Variants in SAE1 observed in about 807,000 individuals in gnomAD.
SAE1 encodes SUMO1 activating enzyme subunit 1, also known as SUMO-activating enzyme subunit 1.
SAE1 carries 11 observed loss-of-function variants against 40.6 expected under a neutral mutation model. That is an observed-to-expected ratio of 0.27 (90% confidence interval 0.17 to 0.45). SAE1 has a LOEUF of 0.45. Ranked by LOEUF, SAE1 falls within the 20% of genes least tolerant of loss-of-function variation. SAE1 has a pLI of 1.00. For missense variants in SAE1, 373 were observed against 427.3 expected, an observed-to-expected ratio of 0.87 and a Z score of 1.12; for synonymous variants, 155 against 154.3, an observed-to-expected ratio of 1.00 and a Z score of -0.03.
intron 4 of SAE1, 89 bp from the exon 5 acceptor site, chr19:47,155,025 C>G (rs1437814992): frequency 1.2e-6 from 1 of 809,702 alleles, no homozygotes. Context: ...TAACCACCAT[C>G]CCGATCTGTG....
intron 2 of SAE1, among the ~76,000 whole-genome samples, chr19:47,147,459 T>G (rs2058261551): frequency 6.6e-6 from 1 of 151,606 alleles, no homozygotes; most frequent in African/African-American, 2.4e-5. Flanking sequence ...ATGTTTTTTT[T>G]GTTTGTTTTT....
intron 6 of SAE1, among the ~76,000 whole-genome samples, chr19:47,194,809 C>T (rs913844916): frequency 6.2e-5 from 9 of 144,116 alleles, no homozygotes; most frequent in East Asian, 2.0e-4. Flanking sequence ...AGTGCAGTGG[C>T]GCGATCTCAG....
intron 1 of SAE1, among the ~76,000 whole-genome samples, chr19:47,132,696 G>C (rs2058153704): frequency 6.6e-6 from 1 of 151,920 alleles, no homozygotes; most frequent in Non-Finnish European, 1.5e-5. Flanking sequence ...AGACTAGCCT[G>C]GGTAATGTTG....
chr19:47,151,006 A>G (rs1222667240), intron 3 of SAE1, among the ~76,000 whole-genome samples: 1 of 152,226 alleles, frequency 6.6e-6, no homozygotes, highest in Non-Finnish European at 1.5e-5. Flanking sequence ...GCAACCTTTC[A>G]GACATAGTTC....
chr19:47,208,361 G>A (rs2058696279), intron 8 of SAE1, among the ~76,000 whole-genome samples: 1 of 152,146 alleles, frequency 6.6e-6, no homozygotes, highest in South Asian at 2.1e-4. Context: ...CCAGGCTCAA[G>A]CGATCCTCCC....
chr19:47,169,803 G>A lies in SAE1; in HGVS notation c.628-15G>A. On this transcript the variant is annotated splice_polypyrimidine_tract_variant and intron_variant, in intron 5 of 8. Coordinates refer to ENST00000270225, the MANE Select transcript of SAE1 (RefSeq NM_005500.3). ...GCATATGTTATTCCTAAGCAGTTCT[G>A]CCTTTTTTCCACAGAAGGTGGTCTT... 6.3e-7 allele frequency: 1 copy of A among 1,575,600 alleles called. No individual in the cohort carries two copies. The highest frequency in any genetic ancestry group is 1.1e-5 in the South Asian group (1 of 90,246).
At chr19:47,146,162 G>A (rs1166530385) in intron 2 of SAE1, among the ~76,000 whole-genome samples, 1 of 152,098 alleles carries the variant, frequency 6.6e-6, no homozygotes, top group Non-Finnish European at 1.5e-5. Context: ...TAGAGTGTGA[G>A]ACCCAAAGTG....
chr19:47,169,832 C>T lies in SAE1; in HGVS notation c.642C>T (p.Cys214=). The change falls in exon 6 of 9, where the codon TGC becomes TGT. Residue 214 remains cysteine, a synonymous_variant. Coordinates refer to ENST00000270225, the MANE Select transcript of SAE1 (RefSeq NM_005500.3). ...TTTTTCCACAGAAGGTGGTCTTCTG[C>T]CCTGTTAAAGAAGCCCTGGAGGTGG... The part of the protein sequence containing the change: ...TTMVKKKVVF[C]PVKEALEVDW... 3 of 1,613,476 alleles carry T rather than the reference C, an allele frequency of 1.9e-6. No individual in the cohort carries two copies. The highest frequency in any genetic ancestry group is 4.5e-5 in the East Asian group (2 of 44,888).
chr19:47,149,264 C>G (rs309197), intron 2 of SAE1, among the ~76,000 whole-genome samples: 150,540 of 150,570 alleles, frequency 1, 75,255 homozygotes, highest in Non-Finnish European at 1. Flanking sequence ...TCCGCCTCCC[C>G]TGTTGAAGTG....
chr19:47,159,444 C>G (rs1473509757), intron 5 of SAE1, among the ~76,000 whole-genome samples: 1 of 152,144 alleles, frequency 6.6e-6, no homozygotes, highest in Non-Finnish European at 1.5e-5. Flanking sequence ...CACTGCTAGA[C>G]TCCTAGTCCA....
intron 6 of SAE1, among the ~76,000 whole-genome samples, chr19:47,181,518 G>A (rs1320001098): frequency 3.5e-5 from 4 of 115,740 alleles, no homozygotes; most frequent in Non-Finnish European, 4.9e-5. Flanking sequence ...TCACTCTGTC[G>A]CCCATGCTGG....
At chr19:47,165,380 G>A (rs900343083) in intron 5 of SAE1, among the ~76,000 whole-genome samples, 2 of 152,124 alleles carry the variant, frequency 1.3e-5, no homozygotes, top group Non-Finnish European at 2.9e-5. Flanking sequence ...GTGAGCCACC[G>A]CACCCGGCCT....
At chr19:47,167,364 C>T (rs139485188) in intron 5 of SAE1, among the ~76,000 whole-genome samples, 2,237 of 149,722 alleles carry the variant, frequency 0.015, 65 homozygotes, top group African/African-American at 0.053. Context: ...CTCAGCCTCC[C>T]GAGTAGCTGG....
intron 7 of SAE1, among the ~76,000 whole-genome samples, 160 bp from the exon 8 acceptor site, chr19:47,203,511 A>G (rs901095673): frequency 6.6e-6 from 1 of 152,152 alleles, no homozygotes; most frequent in Non-Finnish European, 1.5e-5. Flanking sequence ...CTCAGATTTC[A>G]TTTTCACGCC....
At chr19:47,176,369 T>C (rs1355012960) in intron 6 of SAE1, among the ~76,000 whole-genome samples, 1 of 152,236 alleles carries the variant, frequency 6.6e-6, no homozygotes, top group African/African-American at 2.4e-5. Flanking sequence ...TAGGAATTCC[T>C]AGTGGGGACA....
chr19:47,181,743 T>G (rs1476078456), intron 6 of SAE1, among the ~76,000 whole-genome samples: 29 of 148,222 alleles, frequency 2.0e-4, no homozygotes, highest in Admixed American at 4.7e-4. Flanking sequence ...CCTCCTGAAG[T>G]GCTGGGATTA....
At position 47,164,048 on chromosome 19, in the gene SAE1, C is replaced by T. The variant is rs564891482; in HGVS notation, c.628-5770C>T. On this transcript the variant is annotated intron_variant, in intron 5 of 8. Transcript: ENST00000270225. The stretch of plus-strand genomic sequence containing the variant: ...CCTCCCAAAGTTTTGGGATTACAGG[C>T]GTGAGCCATTGCACCTGGCTTGTAT... 8.4e-4 allele frequency among the ~76,000 whole-genome samples: 128 copies of T among 152,280 alleles called. No individual in the cohort carries two copies. In the Middle Eastern group the frequency reaches 0.014, roughly 16 times the overall value.
At chr19:47,165,116 C>G (rs1251684983) in intron 5 of SAE1, among the ~76,000 whole-genome samples, 1 of 107,390 alleles carries the variant, frequency 9.3e-6, no homozygotes, top group East Asian at 3.1e-4. Flanking sequence ...CGGAGTCTTG[C>G]TCTCTTGCCC....
chr19:47,144,892 C>T (rs1424648271), intron 2 of SAE1, among the ~76,000 whole-genome samples: 12 of 152,276 alleles, frequency 7.9e-5, no homozygotes, highest in Non-Finnish European at 1.0e-4. Flanking sequence ...AGTGCAATGG[C>T]GCAATCTCCG....
Sources: allele counts gnomAD v4.1 joint callset (sites outside exome capture counted in the v4.1 genomes callset), GRCh38; gene constraint gnomAD v4.1.1; transcripts MANE v1.5; gene names NCBI Gene and HGNC (gene_info 2026-07-23, HGNC 2026-07-21).